The following MAP7 variants were observed in gnomAD, a reference collection of about 807,000 sequenced individuals.
The protein encoded by MAP7 is microtubule associated protein 7, also known as ensconsin.
Under a neutral mutation model 94.8 loss-of-function variants are expected in MAP7, and 52 were observed. The ratio of observed to expected loss-of-function variants is 0.55; its 90% CI spans 0.44 to 0.69. The LOEUF (loss-of-function observed/expected upper bound fraction) is 0.69, where lower values mean the gene tolerates loss of function less well. Ranked by LOEUF, MAP7 falls within the 30% of genes least tolerant of loss-of-function variation. The probability of loss-of-function intolerance (pLI) is 0.00; values close to 1 mark genes in which losing one functional copy is unlikely to be tolerated. For missense variants in MAP7, 940 were observed against 964.6 expected, an observed-to-expected ratio of 0.97 and a Z score of 0.34; for synonymous variants, 350 against 357.0, an observed-to-expected ratio of 0.98 and a Z score of 0.22.
chr6:136,442,760 A>C (rs923162562), intron 1 of MAP7, among the ~76,000 whole-genome samples: 6 of 152,200 alleles, frequency 3.9e-5, no homozygotes, highest in South Asian at 4.1e-4. Context: ...CTAATGGTTT[A>C]AGAGGTGTTG....
chr6:136,510,513 G>C (rs559768484), intron 1 of MAP7, among the ~76,000 whole-genome samples: 2 of 152,232 alleles, frequency 1.3e-5, no homozygotes, highest in East Asian at 3.9e-4. Flanking sequence ...CAGAAGCCTG[G>C]GGGTGGTGGA....
At chr6:136,533,971 TAA>T (rs1480530561) in intron 1 of MAP7, among the ~76,000 whole-genome samples, 1 of 152,210 alleles carries the variant, frequency 6.6e-6, no homozygotes, top group African/African-American at 2.4e-5. Flanking sequence ...CCCCTGAAAT[TAA>T]AAGACATCCA....
At chr6:136,356,973 T>C (rs1791159959) in intron 15 of MAP7, among the ~76,000 whole-genome samples, 179 bp from the exon 16 acceptor site, 1 of 152,126 alleles carries the variant, frequency 6.6e-6, no homozygotes, top group Non-Finnish European at 1.5e-5. Context: ...TAGTACCTAC[T>C]TCATAGATTG....
intron 1 of MAP7, among the ~76,000 whole-genome samples, chr6:136,453,884 C>T (rs1256063727): frequency 3.9e-5 from 6 of 152,186 alleles, no homozygotes; most frequent in East Asian, 1.9e-4. Flanking sequence ...ATGACTGATA[C>T]TTACATCAAC....
intron 1 of MAP7, among the ~76,000 whole-genome samples, chr6:136,450,272 A>G (rs1359995874): frequency 6.6e-6 from 1 of 152,216 alleles, no homozygotes; most frequent in Non-Finnish European, 1.5e-5. Context: ...AAGTAAACTA[A>G]AACAAATTAG....
chr6:136,354,747 G>C (rs551631747), intron 16 of MAP7, among the ~76,000 whole-genome samples: 13 of 151,992 alleles, frequency 8.6e-5, no homozygotes, highest in African/African-American at 3.1e-4. Flanking sequence ...ATTACAAATT[G>C]TTGCTTTTCT....
chr6:136,436,112 A>C (rs1026242219), intron 1 of MAP7, among the ~76,000 whole-genome samples: 2 of 152,214 alleles, frequency 1.3e-5, no homozygotes, highest in Non-Finnish European at 2.9e-5. Flanking sequence ...AATAGGCATA[A>C]GGAAAGGATC....
chr6:136,376,243 C>T (rs1307570770), intron 7 of MAP7, among the ~76,000 whole-genome samples: 4 of 152,074 alleles, frequency 2.6e-5, no homozygotes, highest in Admixed American at 6.6e-5. Context: ...GGACTACAGG[C>T]GCCCGCCACC....
At chr6:136,364,496 A>G in intron 10 of MAP7, 1 of 244,498 alleles carries the variant, frequency 4.1e-6, no homozygotes, top group Non-Finnish European at 8.0e-6. Context: ...AAAAAGCTGA[A>G]CTCTTAAAAA....
intron 8 of MAP7, among the ~76,000 whole-genome samples, chr6:136,366,870 C>T (rs1794474381): frequency 6.6e-6 from 1 of 152,034 alleles, no homozygotes; most frequent in Non-Finnish European, 1.5e-5. Flanking sequence ...CCCAAACACA[C>T]TATATCTCAG....
chr6:136,471,884 C>T (rs903082040), intron 1 of MAP7, among the ~76,000 whole-genome samples: 2 of 152,162 alleles, frequency 1.3e-5, no homozygotes, highest in African/African-American at 4.8e-5. Context: ...GACTGGCTTT[C>T]CTGTGGCACT....
At chr6:136,348,445 A>G (rs1206247777) in intron 16 of MAP7, among the ~76,000 whole-genome samples, 2 of 152,204 alleles carry the variant, frequency 1.3e-5, no homozygotes, top group Non-Finnish European at 2.9e-5. Context: ...CTGAAACTGA[A>G]GTACTGGGGT....
rs141346263 is a variant in MAP7, at chr6:136,446,787, A to G, written c.68-24988T>C. 3.2e-3 allele frequency among the ~76,000 whole-genome samples: 488 copies of G among 152,362 alleles called. 3 individuals carry two copies. Among genetic ancestry groups the G allele is most frequent in the African/African-American group, 0.011 (469 of 41,590 alleles). ...ATATTACAATCTGCTTTTAAGGGTA[A>G]TCACCAACTTTGGCATATTAGACAC... On this transcript the variant is annotated intron_variant, in intron 1 of 17. Transcript: ENST00000354570.
chr6:136,390,271 T>G (rs1780329446), intron 3 of MAP7, among the ~76,000 whole-genome samples: 1 of 152,200 alleles, frequency 6.6e-6, no homozygotes, highest in Admixed American at 6.5e-5. Context: ...TTATTAATAC[T>G]GTAGGCAAAA....
intron 1 of MAP7, among the ~76,000 whole-genome samples, chr6:136,535,747 CTTT>C (rs914031133): frequency 4.1e-5 from 5 of 122,248 alleles, no homozygotes; most frequent in Non-Finnish European, 7.2e-5. Flanking sequence ...CTTTTTTTTT[CTTT>C]TTTTTTTAAA....
chr6:136,420,013 G>C lies in MAP7; in HGVS notation c.166+1688C>G. 1.9e-5 allele frequency: 15 copies of C among 809,280 alleles called. No homozygotes were observed. In the South Asian group the frequency reaches 2.0e-4, roughly 11 times the overall value. 50.1% of individuals were successfully genotyped at this position (809,280 alleles called of 1,614,324 possible). On this transcript the variant is annotated intron_variant, in intron 2 of 17. Coordinates refer to ENST00000354570, the MANE Select transcript of MAP7 (RefSeq NM_003980.6). ...GGACTGTTGTGACTCAAGGATATTA[G>C]CCACCACCACTTGATGCTGATAAAC...
intron 1 of MAP7, among the ~76,000 whole-genome samples, chr6:136,501,004 T>C (rs1161607553): frequency 6.6e-6 from 1 of 152,216 alleles, no homozygotes; most frequent in East Asian, 1.9e-4. Flanking sequence ...AAGAATCTTA[T>C]TATTGTGATT....
At chr6:136,528,556 C>CA (rs1196026175) in intron 1 of MAP7, among the ~76,000 whole-genome samples, 4 of 151,792 alleles carry the variant, frequency 2.6e-5, no homozygotes, top group South Asian at 2.1e-4. Flanking sequence ...AAAATAATAA[C>CA]AAAAAAAACC....
chr6:136,405,452 A>G (rs1489419526), intron 3 of MAP7, among the ~76,000 whole-genome samples: 1 of 152,228 alleles, frequency 6.6e-6, no homozygotes, highest in Non-Finnish European at 1.5e-5. Context: ...TGGATTTCTC[A>G]GGAAAAACAC....
Sources: gnomAD v4.1 joint callset for allele counts (sites outside exome capture counted in the v4.1 genomes callset) on GRCh38, gnomAD v4.1.1 for gene constraint, MANE v1.5 for transcripts, NCBI Gene and HGNC (gene_info 2026-07-23, HGNC 2026-07-21) for gene names.